CRPPA: variants seen among roughly 807,000 people sequenced by gnomAD.
The protein encoded by CRPPA is CDP-L-ribitol pyrophosphorylase A.
A neutral mutation model predicts 52.0 loss-of-function variants in CRPPA; 43 were observed. That is an observed-to-expected ratio of 0.83 (90% CI 0.65 to 1.07). The LOEUF (loss-of-function observed/expected upper bound fraction) is 1.07. Ranked by LOEUF, CRPPA falls within the 50% of genes least tolerant of loss-of-function variation. The pLI, the probability that CRPPA is intolerant of heterozygous loss-of-function variation, is 0.00. For missense variants in CRPPA, 629 were observed against 551.7 expected, an observed-to-expected ratio of 1.14 and a Z score of -1.40; for synonymous variants, 250 against 203.5, an observed-to-expected ratio of 1.23 and a Z score of -1.94.
In CRPPA at chr7:16,107,659, T is replaced by A. The variant is rs534281995; in HGVS notation, c.1252-15860A>T. 2.9e-3 allele frequency among the ~76,000 whole-genome samples: 443 copies of A among 152,052 alleles called. 6 individuals carry two copies. Among genetic ancestry groups the A allele is most frequent in the African/African-American group, 0.01 (435 of 41,508 alleles). On this transcript the variant is annotated intron_variant, in intron 9 of 9. Coordinates refer to ENST00000407010, the MANE Select transcript of CRPPA (RefSeq NM_001101426.4). ...AACAAAAAGCTGTTAATTAATAATA[T>A]GAACTATAAAAAAGCAAAAAAAATC... is the stretch of plus-strand genomic sequence containing the variant.
intron 9 of CRPPA, among the ~76,000 whole-genome samples, chr7:16,149,283 T>C (rs1583391005): frequency 6.6e-6 from 1 of 152,310 alleles, no homozygotes; most frequent in South Asian, 2.1e-4. Context: ...TTTTGGCTCC[T>C]CTTGGTCAAG....
In CRPPA at chr7:16,134,228, G is replaced by A. The variant is rs750390928; in HGVS notation, c.1252-42429C>T. Among the ~76,000 whole-genome samples the A allele has an allele frequency of 1.5e-4, 19 of 125,194 alleles. 6 individuals are homozygous for A. Among genetic ancestry groups the A allele is most frequent in the Non-Finnish European group, 3.5e-4 (19 of 54,888 alleles). 82.1% of individuals were successfully genotyped at this position (125,194 alleles called of 152,430 possible). The stretch of plus-strand genomic sequence containing the variant: ...TTACAGGCGTGAGACGCCACACACG[G>A]ACCTTATGATTTTCTTCACATCTTT... On this transcript the variant is annotated intron_variant, in intron 9 of 9. Transcript: ENST00000407010.
chr7:16,184,035 T>C (rs1781460240), intron 9 of CRPPA, among the ~76,000 whole-genome samples: 1 of 151,968 alleles, frequency 6.6e-6, no homozygotes, highest in Non-Finnish European at 1.5e-5. Context: ...TCCGCCTCCC[T>C]GGTTCAAGCG....
At chr7:16,241,971 T>TGGG (rs1284124770) in intron 8 of CRPPA, among the ~76,000 whole-genome samples, 364 of 85,858 alleles carry the variant, frequency 4.2e-3, no homozygotes, top group Middle Eastern at 0.014. Flanking sequence ...TTTTTTTTGT[T>TGGG]GGGGGGAGAT....
chr7:16,286,031 AAAAAAAAATATAAATATAT>A (rs1562608224), intron 5 of CRPPA, among the ~76,000 whole-genome samples: 2 of 27,120 alleles, frequency 7.4e-5, no homozygotes, highest in African/African-American at 4.9e-4. Context: ...AAAAAAAAAA[AAAAAAAAATATAAATATAT>A]ATATATATAT....
intron 5 of CRPPA, among the ~76,000 whole-genome samples, chr7:16,290,154 A>T (rs1784529484): frequency 6.6e-6 from 1 of 152,138 alleles, no homozygotes; most frequent in Non-Finnish European, 1.5e-5. Context: ...ACTGAAGAGG[A>T]CATTAAAAAA....
intron 9 of CRPPA, among the ~76,000 whole-genome samples, chr7:16,182,304 T>C (rs1269731321): frequency 6.6e-6 from 1 of 151,944 alleles, no homozygotes. Flanking sequence ...TTATGAAATA[T>C]AAAAAGATTT....
chr7:16,393,658 AG>A (rs1393670443), intron 2 of CRPPA, among the ~76,000 whole-genome samples: 1 of 152,134 alleles, frequency 6.6e-6, no homozygotes, highest in East Asian at 1.9e-4. Flanking sequence ...CTTCAGTGTA[AG>A]AAAAAAATTT....
intron 8 of CRPPA, among the ~76,000 whole-genome samples, chr7:16,224,885 T>A (rs374749779): frequency 6.6e-6 from 1 of 152,172 alleles, no homozygotes; most frequent in African/African-American, 2.4e-5. Context: ...AACCACTTCA[T>A]TGTAGAACAA....
chr7:16,350,234 T>C (rs564439086), intron 3 of CRPPA, among the ~76,000 whole-genome samples: 5 of 152,172 alleles, frequency 3.3e-5, no homozygotes, highest in East Asian at 1.9e-4. Context: ...ACCTACCTTA[T>C]AAAAAATGCT....
At chr7:16,116,606 G>A (rs1782375353) in intron 9 of CRPPA, among the ~76,000 whole-genome samples, 1 of 138,924 alleles carries the variant, frequency 7.2e-6, no homozygotes, top group Admixed American at 8.1e-5. Context: ...AGGTTGCAGT[G>A]AGCCAAGATT....
rs1205340477 is a variant in CRPPA at position 16,088,285 on chromosome 7, T to G, written c.*3410A>C. On this transcript the variant is annotated 3_prime_UTR_variant, in exon 10 of 10. Coordinates refer to ENST00000407010, the MANE Select transcript of CRPPA (RefSeq NM_001101426.4). ...ACAAGTGGAAGCATTTTCAGAAACCTTGAAGCATAATCACTATTATTTTTT... is the reference window on the plus strand; with the variant it reads ...ACAAGTGGAAGCATTTTCAGAAACCGTGAAGCATAATCACTATTATTTTTT... 6.6e-6 allele frequency: 1 copy of G among 152,168 alleles called. No homozygotes were observed. Among genetic ancestry groups the G allele is most frequent in the African/African-American group, 2.4e-5 (1 of 41,446 alleles). The allele number at this position is 152,168 out of a possible 1,614,324, so 9.4% of individuals were successfully genotyped here.
At chr7:16,274,394 A>T (rs1380401258) in intron 6 of CRPPA, among the ~76,000 whole-genome samples, 1 of 152,144 alleles carries the variant, frequency 6.6e-6, no homozygotes, top group African/African-American at 2.4e-5. Flanking sequence ...TTTGTGTGGC[A>T]TAACAGGTTT....
chr7:16,192,022 T>C (rs2128390730), intron 9 of CRPPA, among the ~76,000 whole-genome samples: 1 of 152,238 alleles, frequency 6.6e-6, no homozygotes, highest in South Asian at 2.1e-4. Flanking sequence ...TGACAAATCA[T>C]TCCATCTTGG....
chr7:16,286,097 A>AAAAAAAAAAATAT lies in CRPPA; in HGVS notation c.836-7872_836-7871insATATTTTTTTTTT. On this transcript the variant is annotated intron_variant, in intron 5 of 9. Transcript: ENST00000407010. ...TATATATATAATATTTAAAAAAAAA[A>AAAAAAAAAAATAT]ATATATATATATATATATATGCCAA... is the stretch of plus-strand genomic sequence containing the variant. Among the ~76,000 whole-genome samples, 65 of 39,114 alleles carry AAAAAAAAAAATAT rather than the reference A, an allele frequency of 1.7e-3. 9 individuals are homozygous for AAAAAAAAAAATAT. The highest frequency in any genetic ancestry group is 8.9e-4 in the Non-Finnish European group (22 of 24,644). 25.7% of individuals were successfully genotyped at this position (39,114 alleles called of 152,430 possible). A position where few individuals can be genotyped will look rare whatever the true frequency, so the allele number is the denominator to read the frequency against.
At chr7:16,125,456 T>C (rs1583374094) in intron 9 of CRPPA, among the ~76,000 whole-genome samples, 2 of 152,064 alleles carry the variant, frequency 1.3e-5, no homozygotes, top group Non-Finnish European at 2.9e-5. Flanking sequence ...GTTTCTTTAA[T>C]GCAACCCAAT....
intron 9 of CRPPA, among the ~76,000 whole-genome samples, chr7:16,118,516 G>C (rs1291763954): frequency 6.6e-6 from 1 of 152,146 alleles, no homozygotes; most frequent in African/African-American, 2.4e-5. Context: ...GTCTTTAAAA[G>C]AAAGTACAGA....
chr7:16,397,609 C>CGTGACACGTGACCAACACGTGT (rs1196769244), intron 2 of CRPPA, among the ~76,000 whole-genome samples: 4 of 152,046 alleles, frequency 2.6e-5, no homozygotes, highest in Middle Eastern at 3.4e-3. Flanking sequence ...ACGTGTGACA[C>CGTGACACGTGACCAACACGTGT]GTGACACGTG....
chr7:16,113,748 A>G (rs1782313192), intron 9 of CRPPA, among the ~76,000 whole-genome samples: 1 of 151,568 alleles, frequency 6.6e-6, no homozygotes, highest in African/African-American at 2.4e-5. Flanking sequence ...ATTATTTTTC[A>G]AGATTAGAAA....
Sources: allele counts gnomAD v4.1 joint callset (sites outside exome capture counted in the v4.1 genomes callset), GRCh38; gene constraint gnomAD v4.1.1; transcripts MANE v1.5; gene names NCBI Gene and HGNC (gene_info 2026-07-23, HGNC 2026-07-21).